The following AFF3 variants were observed in gnomAD, a reference collection of about 807,000 sequenced individuals.
AFF3 encodes the protein ALF transcription elongation factor 3, also known as AF4/FMR2 family member 3.
Under a neutral mutation model 129.7 loss-of-function variants are expected in AFF3, and 32 were observed. The ratio of observed to expected loss-of-function variants is 0.25; its 90% CI spans 0.19 to 0.33. AFF3 has a LOEUF of 0.33. Ranked by LOEUF, AFF3 falls within the 10% of genes least tolerant of loss-of-function variation. The pLI, the probability that AFF3 is intolerant of heterozygous loss-of-function variation, is 1.00. For synonymous variants in AFF3, 644 were observed against 635.4 expected, an observed-to-expected ratio of 1.01 and a Z score of -0.20; for missense variants, 1,373 against 1,592.0, an observed-to-expected ratio of 0.86 and a Z score of 2.34.
intron 7 of AFF3, among the ~76,000 whole-genome samples, chr2:99,961,264 C>T (rs1576436261): frequency 1.3e-5 from 2 of 152,314 alleles, no homozygotes; most frequent in South Asian, 4.1e-4. Context: ...GCTTTCTGTT[C>T]CGTTCTACCA....
intron 13 of AFF3, among the ~76,000 whole-genome samples, chr2:99,631,211 A>C (rs1683089135): frequency 6.6e-6 from 1 of 152,204 alleles, no homozygotes; most frequent in Non-Finnish European, 1.5e-5. Flanking sequence ...CAGGTCAATG[A>C]AATGGTTAAG....
intron 4 of AFF3, among the ~76,000 whole-genome samples, chr2:100,060,729 T>G (rs946984694): frequency 6.6e-6 from 1 of 152,306 alleles, no homozygotes; most frequent in South Asian, 2.1e-4. Context: ...TTTATTCTGT[T>G]GTTACCATTG....
At chr2:99,702,347 C>A (rs1175270535) in intron 11 of AFF3, among the ~76,000 whole-genome samples, 2 of 151,920 alleles carry the variant, frequency 1.3e-5, no homozygotes, top group African/African-American at 4.8e-5. Flanking sequence ...TATGCATTTT[C>A]TTTTCTTTTT....
chr2:99,924,027 A>T (rs1696049623), intron 7 of AFF3, among the ~76,000 whole-genome samples: 1 of 152,066 alleles, frequency 6.6e-6, no homozygotes, highest in Non-Finnish European at 1.5e-5. Context: ...CTGGGAGTGA[A>T]CCTTCCTATG....
chr2:99,963,289 G>T (rs1376251429), intron 7 of AFF3, among the ~76,000 whole-genome samples: 1 of 152,096 alleles, frequency 6.6e-6, no homozygotes, highest in Non-Finnish European at 1.5e-5. Context: ...AATGGCTAAA[G>T]AAAGTTCTCT....
At chr2:99,615,235 G>A (rs770160063) in intron 13 of AFF3, among the ~76,000 whole-genome samples, 15 of 152,164 alleles carry the variant, frequency 9.9e-5, no homozygotes, top group Non-Finnish European at 1.9e-4. Context: ...GATGGTAGAG[G>A]GCCCTGGAGG....
intron 13 of AFF3, among the ~76,000 whole-genome samples, chr2:99,643,055 A>ATTTTTTTTTTTTTT (rs34572652): frequency 9.9e-6 from 1 of 100,864 alleles, no homozygotes; most frequent in Non-Finnish European, 1.9e-5. Context: ...TACTTAAAAG[A>ATTTTTTTTTTTTTT]TTTTTTTTTT....
chr2:100,015,756 T>C (rs1682963394), intron 4 of AFF3, among the ~76,000 whole-genome samples: 2 of 152,056 alleles, frequency 1.3e-5, no homozygotes, highest in South Asian at 2.1e-4. Flanking sequence ...ACAGAGAAGG[T>C]GAGGCTGAAG....
intron 4 of AFF3, among the ~76,000 whole-genome samples, chr2:100,046,954 C>T (rs1685884718): frequency 6.6e-6 from 1 of 151,690 alleles, no homozygotes; most frequent in African/African-American, 2.4e-5. Context: ...ATCTATGACT[C>T]CTCTTAACAG....
intron 15 of AFF3, among the ~76,000 whole-genome samples, chr2:99,590,992 C>G (rs1160773016): frequency 1.4e-5 from 2 of 147,608 alleles, no homozygotes; most frequent in Non-Finnish European, 3.0e-5. Context: ...GAGCGAAACT[C>G]TGTCTCAAAA....
intron 10 of AFF3, among the ~76,000 whole-genome samples, chr2:99,737,759 C>A (rs1680378645): frequency 6.6e-6 from 1 of 151,524 alleles, no homozygotes; most frequent in Admixed American, 6.6e-5. Context: ...CTTCCCTTTC[C>A]CTTTCTGAAA....
intron 8 of AFF3, among the ~76,000 whole-genome samples, chr2:99,777,947 CAAA>C (rs576434643): frequency 0.086 from 4,185 of 48,394 alleles, 85 homozygotes; most frequent in African/African-American, 0.15. Flanking sequence ...AAAGCAAAAG[CAAA>C]AAAAAAAAAA....
At chr2:99,560,111 A>C (rs1220910737) in intron 21 of AFF3, among the ~76,000 whole-genome samples, 1 of 152,190 alleles carries the variant, frequency 6.6e-6, no homozygotes, top group Admixed American at 6.5e-5. Context: ...AAATACAAAA[A>C]TTAGGCCGGG....
At chr2:100,125,345 A>C (rs1003435941) in intron 2 of AFF3, among the ~76,000 whole-genome samples, 1 of 152,156 alleles carries the variant, frequency 6.6e-6, no homozygotes, top group Non-Finnish European at 1.5e-5. Flanking sequence ...TATTATTGAC[A>C]GATTAAAAAA....
At chr2:99,769,479 G>T (rs1211470787) in intron 8 of AFF3, among the ~76,000 whole-genome samples, 1 of 152,156 alleles carries the variant, frequency 6.6e-6, no homozygotes, top group African/African-American at 2.4e-5. Flanking sequence ...TGTTTCTCCA[G>T]AATTAGTCCC....
chr2:99,936,300 T>A (rs1674520199), intron 7 of AFF3, among the ~76,000 whole-genome samples: 1 of 152,018 alleles, frequency 6.6e-6, no homozygotes, highest in African/African-American at 2.4e-5. Context: ...TGGGCAGGAA[T>A]CCCCAGGAAA....
intron 12 of AFF3, among the ~76,000 whole-genome samples, chr2:99,666,738 A>G (rs1457055975): frequency 1.3e-5 from 2 of 152,258 alleles, no homozygotes; most frequent in Non-Finnish European, 2.9e-5. Context: ...ATTAATCAAA[A>G]TAAAGCAGGA....
chr2:99,882,406 G>C (rs1365886415), intron 7 of AFF3, among the ~76,000 whole-genome samples: 1 of 152,236 alleles, frequency 6.6e-6, no homozygotes, highest in Non-Finnish European at 1.5e-5. Context: ...AAACTATCCA[G>C]CTGTGAAAGA....
chr2:100,099,698 T>C (rs1200444380), intron 4 of AFF3, among the ~76,000 whole-genome samples: 1 of 152,254 alleles, frequency 6.6e-6, no homozygotes, highest in Non-Finnish European at 1.5e-5. Context: ...TATGGCTTAT[T>C]CTCCTATTAA....
Sources: gnomAD v4.1 joint callset for allele counts (sites outside exome capture counted in the v4.1 genomes callset) on GRCh38, gnomAD v4.1.1 for gene constraint, MANE v1.5 for transcripts, NCBI Gene and HGNC (gene_info 2026-07-23, HGNC 2026-07-21) for gene names.